Variants in NDE1 observed in about 807,000 individuals in gnomAD.
The protein encoded by NDE1 is nudE neurodevelopment protein 1, also known as nuclear distribution protein nudE homolog 1.
NDE1 carries 28 observed loss-of-function variants against 43.4 expected under a neutral mutation model. That is an observed-to-expected ratio of 0.65 (90% confidence interval 0.48 to 0.89). The LOEUF is 0.89. Among genes scored for constraint, NDE1 ranks in the 40% least tolerant of loss-of-function variants. The pLI, the probability that NDE1 is intolerant of heterozygous loss-of-function variation, is 0.00. For missense variants in NDE1, 441 were observed against 434.1 expected, an observed-to-expected ratio of 1.02 and a Z score of -0.14; for synonymous variants, 184 against 172.0, an observed-to-expected ratio of 1.07 and a Z score of -0.55.
rs2038967759 is a variant in NDE1, at chr16:15,695,472, G to T, written c.795+1216G>T. The T allele has an allele frequency of 8.2e-6, 8 of 973,900 alleles. No homozygotes were observed. The South Asian group carries it at 3.8e-4, about 47-fold the overall frequency. The allele number at this position is 973,900 out of a possible 1,614,324, so 60.3% of individuals were successfully genotyped here. A position where few individuals can be genotyped will look rare whatever the true frequency, so the allele number is the denominator to read the frequency against. On this transcript the variant is annotated intron_variant, in intron 7 of 8. Coordinates refer to ENST00000396354, the MANE Select transcript of NDE1 (RefSeq NM_017668.3). ...GCAGTGAGCTGAGATCGCACCGCTGGGTGACAAAGTGAGACTTGGTCTCAA... is the reference window on the plus strand; with the variant it reads ...GCAGTGAGCTGAGATCGCACCGCTGTGTGACAAAGTGAGACTTGGTCTCAA...
chr16:15,720,381 C>T (rs2040403988), intron 8 of NDE1: 26 of 1,543,838 alleles, frequency 1.7e-5, no homozygotes, highest in Non-Finnish European at 2.3e-5. Context: ...ACCTAGGCAG[C>T]ACATCACTGC....
At chr16:15,699,801 G>C in intron 8 of NDE1, 5 of 1,351,386 alleles carry the variant, frequency 3.7e-6, no homozygotes, top group Non-Finnish European at 4.9e-6. Flanking sequence ...CAGCCCAGGG[G>C]GTAGTCAAGA....
chr16:15,650,365 C>T (rs904088324), intron 1 of NDE1, 71 bp downstream of exon 1: 21 of 208,786 alleles, frequency 1.0e-4, no homozygotes, highest in Non-Finnish European at 2.1e-4. Context: ...CTGAAAAGCT[C>T]CTCTGCCCCG....
chr16:15,662,689 A>T (rs989006154), intron 1 of NDE1, among the ~76,000 whole-genome samples: 2 of 150,988 alleles, frequency 1.3e-5, no homozygotes, highest in African/African-American at 4.9e-5. Flanking sequence ...TGATCCTCCC[A>T]TCTCAGCCTC....
At chr16:15,690,337 C>CTTTTTTTTTTTTTCTTTTTT (rs2038671654) in intron 5 of NDE1, among the ~76,000 whole-genome samples, 2 of 74,106 alleles carry the variant, frequency 2.7e-5, no homozygotes, top group African/African-American at 4.7e-5. Flanking sequence ...TGCAACTGGC[C>CTTTTTTTTTTTTTCTTTTTT]TTTTTTTTTT....
intron 8 of NDE1, chr16:15,714,380 C>T (rs769185955): frequency 1.2e-5 from 2 of 173,262 alleles, no homozygotes; most frequent in Non-Finnish European, 2.5e-5. Flanking sequence ...ACTACTGCAG[C>T]CGGTGGGTAG....
At chr16:15,714,046 A>AC (rs2039975224) in intron 8 of NDE1, 1 of 152,350 alleles carries the variant, frequency 6.6e-6, no homozygotes, top group African/African-American at 2.4e-5. Flanking sequence ...CAGCAGGATC[A>AC]CCCAGAGGGT....
Position 15,688,656 on chromosome 16 carries a change from C to T in NDE1, c.523+1145C>T, listed in dbSNP as rs1404490735. Among the ~76,000 whole-genome samples the T allele has an allele frequency of 2.6e-5, 3 of 113,410 alleles. 1 individual carries two copies. Among genetic ancestry groups the T allele is most frequent in the East Asian group, 5.2e-4 (2 of 3,874 alleles). The allele number at this position is 113,410 out of a possible 152,430, so 74.4% of individuals were successfully genotyped here. A position where few individuals can be genotyped will look rare whatever the true frequency, so the allele number is the denominator to read the frequency against. On this transcript the variant is annotated intron_variant, in intron 5 of 8. Transcript: ENST00000396354. ...CTCAAAAAAAAAAAAAAAAAAAAGA[C>T]ATTCATTAGTGGATTGTCCAAGTTG... is the stretch of plus-strand genomic sequence containing the variant.
At chr16:15,674,515 C>T (rs931634222) in intron 3 of NDE1, among the ~76,000 whole-genome samples, 1 of 152,102 alleles carries the variant, frequency 6.6e-6, no homozygotes, top group East Asian at 1.9e-4. Context: ...TCCCAAATTG[C>T]TGGGATTACA....
chr16:15,687,002 A>T, intron 4 of NDE1: 1 of 985,380 alleles, frequency 1.0e-6, no homozygotes, highest in African/African-American at 1.7e-5. Context: ...CAGTCATATT[A>T]GGTTATTTTT....
At chr16:15,701,902 CAAGAG>C (rs1047599105) in intron 8 of NDE1, 1 of 152,120 alleles carries the variant, frequency 6.6e-6, no homozygotes, top group Non-Finnish European at 1.5e-5. Flanking sequence ...TCAATAAAAT[CAAGAG>C]AAACGAATGT....
intron 3 of NDE1, among the ~76,000 whole-genome samples, chr16:15,674,177 C>G (rs1296323403): frequency 6.6e-6 from 1 of 152,152 alleles, no homozygotes; most frequent in Admixed American, 6.6e-5. Flanking sequence ...AGATCTCCCT[C>G]TCTGTCTCTC....
At chr16:15,664,409 T>G (rs944681731) in intron 1 of NDE1, among the ~76,000 whole-genome samples, 10 of 152,124 alleles carry the variant, frequency 6.6e-5, no homozygotes, top group Non-Finnish European at 1.2e-4. Context: ...CAAGCTGGAG[T>G]GCAGTGGCGC....
chr16:15,645,807 A>G (rs2036320409), upstream of NDE1, among the ~76,000 whole-genome samples: 1 of 152,190 alleles, frequency 6.6e-6, no homozygotes, highest in African/African-American at 2.4e-5. Flanking sequence ...TTAAGTAGCT[A>G]CTTTACATGC....
chr16:15,653,191 T>G (rs2036588905), intron 1 of NDE1, among the ~76,000 whole-genome samples: 1 of 152,236 alleles, frequency 6.6e-6, no homozygotes, highest in Non-Finnish European at 1.5e-5. Context: ...CTTACAGTTC[T>G]TAACAACTGC....
chr16:15,710,260 C>A lies in NDE1; in HGVS notation c.947+13400C>A, dbSNP rs532071081. On this transcript the variant is annotated intron_variant, in intron 8 of 8. Transcript: ENST00000396354. ...TGGGCCGGCCGGGCATGGTGGCTCA[C>A]GCCTGTAACCCCAGCACTTTGGGAG... Among the ~76,000 whole-genome samples, 51 of 152,272 alleles carry A rather than the reference C, an allele frequency of 3.3e-4. No homozygotes were observed. The South Asian group carries it at 0.01, about 31-fold the overall frequency.
chr16:15,654,676 T>G (rs2036674520), intron 1 of NDE1, among the ~76,000 whole-genome samples: 1 of 145,768 alleles, frequency 6.9e-6, no homozygotes, highest in Non-Finnish European at 1.5e-5. Flanking sequence ...CTGCAGTCAG[T>G]CAGTTTGCAA....
intron 8 of NDE1, among the ~76,000 whole-genome samples, chr16:15,715,958 C>A (rs1463395383): frequency 6.6e-6 from 1 of 152,020 alleles, no homozygotes; most frequent in Non-Finnish European, 1.5e-5. Context: ...AAACCCCATC[C>A]CTACTAAAAA....
chr16:15,663,276 G>T (rs2037138549), intron 1 of NDE1, among the ~76,000 whole-genome samples: 3 of 140,254 alleles, frequency 2.1e-5, no homozygotes, highest in Middle Eastern at 3.9e-3. Flanking sequence ...GTCTCATTCT[G>T]TCGCCCAGTC....
Sources: gnomAD v4.1 joint callset for allele counts (sites outside exome capture counted in the v4.1 genomes callset) on GRCh38, gnomAD v4.1.1 for gene constraint, MANE v1.5 for transcripts, NCBI Gene and HGNC (gene_info 2026-07-23, HGNC 2026-07-21) for gene names.